TULP4: variants seen among roughly 807,000 people sequenced by gnomAD.
TULP4 encodes the protein tubby-related protein 4.
In TULP4, 16 loss-of-function variants were observed where a neutral mutation model predicts 129.0. That is an observed-to-expected ratio of 0.12 (90% confidence interval 0.08 to 0.19). The LOEUF is 0.19. Ranked by LOEUF, TULP4 falls within the 10% of genes least tolerant of loss-of-function variation. TULP4 has a pLI of 1.00. For missense variants in TULP4, 1,842 were observed against 2,059.1 expected, an observed-to-expected ratio of 0.89 and a Z score of 2.04; for synonymous variants, 998 against 854.0, an observed-to-expected ratio of 1.17 and a Z score of -2.94.
intron 1 of TULP4, among the ~76,000 whole-genome samples, chr6:158,351,707 CTTTTTT>C (rs1160814801): frequency 1.6e-4 from 8 of 50,518 alleles, no homozygotes; most frequent in South Asian, 1.2e-3. Flanking sequence ...TGTTGTTAAA[CTTTTTT>C]TTTTTTTTTT....
intron 1 of TULP4, among the ~76,000 whole-genome samples, chr6:158,259,156 G>C (rs533142253): frequency 1.3e-5 from 2 of 152,360 alleles, no homozygotes; most frequent in African/African-American, 4.8e-5. Flanking sequence ...CTTGAACCCG[G>C]GAGGTAGAGG....
upstream of TULP4, among the ~76,000 whole-genome samples, chr6:158,309,219 C>T (rs1397653784): frequency 5.0e-5 from 5 of 99,868 alleles, no homozygotes; most frequent in African/African-American, 1.1e-4. Flanking sequence ...TCAGACGGGA[C>T]GGCCGGGCAG....
intron 13 of TULP4, among the ~76,000 whole-genome samples, chr6:158,504,726 A>G (rs2128266497): frequency 6.6e-6 from 1 of 152,048 alleles, no homozygotes; most frequent in African/African-American, 2.4e-5. Flanking sequence ...CCTGGGTTCC[A>G]AGCAATCCTC....
intron 1 of TULP4, among the ~76,000 whole-genome samples, chr6:158,331,785 A>G (rs1261174232): frequency 7.7e-5 from 10 of 129,102 alleles, no homozygotes; most frequent in South Asian, 2.8e-4. Context: ...ATATACACAC[A>G]CACATACCTA....
intron 2 of TULP4, among the ~76,000 whole-genome samples, chr6:158,422,662 AAG>A (rs1184843997): frequency 6.6e-6 from 1 of 152,208 alleles, no homozygotes; most frequent in East Asian, 1.9e-4. Flanking sequence ...CCAAAGCCGA[AAG>A]AGGAGGTCCC....
chr6:158,435,519 A>G (rs1429029005), intron 3 of TULP4, among the ~76,000 whole-genome samples: 1 of 151,956 alleles, frequency 6.6e-6, no homozygotes, highest in Admixed American at 6.6e-5. Context: ...CCCGGCTCTT[A>G]CATGGCATGC....
chr6:158,413,133 C>T lies in TULP4; in HGVS notation c.321C>T (p.Phe107=), dbSNP rs1350527922. 16 of 1,613,706 alleles carry T rather than the reference C, an allele frequency of 9.9e-6. No individual in the cohort carries two copies. Among genetic ancestry groups the T allele is most frequent in the African/African-American group, 2.7e-5 (2 of 74,880 alleles). The part of the protein sequence containing the change: ...LATCDADGGI[F]VWIQYEGRWS... Reference sequence around the variant, plus strand: ...CGTGCGATGCGGACGGAGGCATATTCGTGTGGATTCAGTACGAGGGCAGGT... The same window carrying T: ...CGTGCGATGCGGACGGAGGCATATTTGTGTGGATTCAGTACGAGGGCAGGT... The change falls in exon 2 of 14, where the codon TTC becomes TTT. Residue 107 remains phenylalanine (F), a synonymous_variant. Transcript: ENST00000367097. This position sits in a 1 kb window ranked among gnomAD's most constrained non-coding sequence, Gnocchi z 4.9.
chr6:158,504,307 C>G, intron 13 of TULP4, 129 bp downstream of exon 13: 1 of 756,276 alleles, frequency 1.3e-6, no homozygotes, highest in Non-Finnish European at 2.1e-6. Context: ...TTAGGTGGAG[C>G]TCATGGGGTT....
chr6:158,280,082 C>G (rs998563612), upstream of TULP4, among the ~76,000 whole-genome samples: 8 of 152,216 alleles, frequency 5.3e-5, no homozygotes, highest in African/African-American at 1.9e-4. Flanking sequence ...TTGCGTATTT[C>G]TCGTGTATTC....
chr6:158,383,564 TTAGGA>T (rs2114921872), intron 1 of TULP4, among the ~76,000 whole-genome samples: 1 of 152,330 alleles, frequency 6.6e-6, no homozygotes, highest in Non-Finnish European at 1.5e-5. Flanking sequence ...AAATGTGCCC[TTAGGA>T]TTCTAGAATG....
At chr6:158,251,325 G>A (rs1267723176) in intron 1 of TULP4, among the ~76,000 whole-genome samples, 1 of 152,130 alleles carries the variant, frequency 6.6e-6, no homozygotes, top group Non-Finnish European at 1.5e-5. Context: ...ACTCTTCTGT[G>A]TGAAAAATAT....
At chr6:158,299,502 AGAG>A (rs950332744) in intron 1 of TULP4, among the ~76,000 whole-genome samples, 12 of 152,170 alleles carry the variant, frequency 7.9e-5, no homozygotes, top group Non-Finnish European at 1.3e-4. Context: ...GGAGAAAGGG[AGAG>A]GCCGGAGACC....
At chr6:158,268,000 ATCTTT>A (rs145400679) in intron 1 of TULP4, among the ~76,000 whole-genome samples, 167 of 127,818 alleles carry the variant, frequency 1.3e-3, no homozygotes, top group African/African-American at 4.0e-3. Flanking sequence ...CATTTGTTTG[ATCTTT>A]TCTTTTCTTT....
At chr6:158,259,374 T>G (rs879851383) in intron 1 of TULP4, among the ~76,000 whole-genome samples, 2 of 152,210 alleles carry the variant, frequency 1.3e-5, no homozygotes, top group African/African-American at 2.4e-5. Flanking sequence ...CTTTTGAGGT[T>G]ATGAAAAATA....
At chr6:158,469,694 A>T (rs1323679511) in intron 6 of TULP4, among the ~76,000 whole-genome samples, 2 of 152,076 alleles carry the variant, frequency 1.3e-5, no homozygotes, top group Non-Finnish European at 2.9e-5. Flanking sequence ...GGAGTCATCC[A>T]CATGGAGGCC....
intron 3 of TULP4, among the ~76,000 whole-genome samples, chr6:158,441,019 A>AG (rs1778884190): frequency 6.6e-6 from 1 of 152,168 alleles, no homozygotes; most frequent in Non-Finnish European, 1.5e-5. Context: ...ATCTTTCTTG[A>AG]GATTTGCCTT....
At chr6:158,242,500 C>T (rs1562492028) in intron 1 of TULP4, 1 of 797,526 alleles carries the variant, frequency 1.3e-6, no homozygotes, top group African/African-American at 1.7e-5. Flanking sequence ...TTCAGTTTGT[C>T]TGTCTGCCGG....
At chr6:158,263,575 G>A (rs1017970143) in intron 1 of TULP4, among the ~76,000 whole-genome samples, 4 of 152,186 alleles carry the variant, frequency 2.6e-5, no homozygotes, top group African/African-American at 9.7e-5. Context: ...TGGGTCTGTA[G>A]TGGAATGAAG....
At chr6:158,423,974 TG>T (rs1392367281) in intron 2 of TULP4, among the ~76,000 whole-genome samples, 1 of 151,720 alleles carries the variant, frequency 6.6e-6, no homozygotes, top group African/African-American at 2.4e-5. Context: ...ATTAAAAAAA[TG>T]AAAAGGCAAG....
Sources: allele counts gnomAD v4.1 joint callset (sites outside exome capture counted in the v4.1 genomes callset), GRCh38; gene constraint gnomAD v4.1.1; non-coding constraint Gnocchi (gnomAD v3.1); transcripts MANE v1.5; gene names NCBI Gene and HGNC (gene_info 2026-07-23, HGNC 2026-07-21).